LRP1B: variants seen among roughly 807,000 people sequenced by gnomAD.
LRP1B encodes LDL receptor related protein 1B.
A neutral mutation model predicts 556.6 loss-of-function variants in LRP1B; 217 were observed. That is an observed-to-expected ratio of 0.39 (90% CI 0.35 to 0.44). The LOEUF (loss-of-function observed/expected upper bound fraction) is 0.44, where lower values mean the gene tolerates loss of function less well. LRP1B is among the 20% of genes least tolerant of loss of function. The probability of loss-of-function intolerance (pLI) is 1.00; values close to 1 mark genes in which losing one functional copy is unlikely to be tolerated. For synonymous variants in LRP1B, 2,047 were observed against 1,865.8 expected (o/e 1.10, Z -2.50); for missense variants, 5,053 against 5,620.8 (o/e 0.90, Z 3.23).
At chr2:141,909,456 A>G (rs1411268138) in intron 1 of LRP1B, among the ~76,000 whole-genome samples, 1 of 151,440 alleles carries the variant, frequency 6.6e-6, no homozygotes, top group Non-Finnish European at 1.5e-5. Flanking sequence ...CTACCACAAT[A>G]ATCTCATTCC....
At chr2:140,987,811 C>T (rs1046821348) in intron 17 of LRP1B, among the ~76,000 whole-genome samples, 1 of 151,894 alleles carries the variant, frequency 6.6e-6, no homozygotes, top group African/African-American at 2.4e-5. Flanking sequence ...ATGGTGAATC[C>T]CTGTTCTCTA....
chr2:141,477,455 G>C, intron 3 of LRP1B, among the ~76,000 whole-genome samples: 1 of 152,148 alleles, frequency 6.6e-6, no homozygotes. Flanking sequence ...TGTTTCATCA[G>C]GTGTGACCAC....
intron 41 of LRP1B, among the ~76,000 whole-genome samples, chr2:140,603,957 T>C (rs1209026496): frequency 6.6e-6 from 1 of 151,994 alleles, no homozygotes; most frequent in Non-Finnish European, 1.5e-5. Flanking sequence ...GGCATGTATA[T>C]GTGTGTGTGT....
rs533590868 is a variant in LRP1B at position 141,851,224 on chromosome 2, T to A, written c.83-40823A>T. On this transcript the variant is annotated intron_variant, in intron 1 of 90. Coordinates refer to ENST00000389484, the MANE Select transcript of LRP1B (RefSeq NM_018557.3). Reference sequence around the variant, plus strand: ...TGAATGCCCTCATCTCAAAGGAATATATGAATAATAAATTGGTCATATTAC... The same window carrying A: ...TGAATGCCCTCATCTCAAAGGAATAAATGAATAATAAATTGGTCATATTAC... Among the ~76,000 whole-genome samples, 6 of 151,938 alleles carry A rather than the reference T, an allele frequency of 3.9e-5. No individual in the cohort carries two copies. In the East Asian group the frequency reaches 1.2e-3, roughly 29 times the overall value.
chr2:141,012,654 T>C (rs768122037), intron 14 of LRP1B, among the ~76,000 whole-genome samples: 2 of 152,012 alleles, frequency 1.3e-5, no homozygotes, highest in South Asian at 4.1e-4. Flanking sequence ...TTGTATTCCA[T>C]TGAAGCAATT....
At chr2:140,491,695 T>G (rs1490824476) in intron 57 of LRP1B, among the ~76,000 whole-genome samples, 1 of 152,154 alleles carries the variant, frequency 6.6e-6, no homozygotes, top group African/African-American at 2.4e-5. Context: ...ATTTCTCTTA[T>G]GTTATTTATG....
intron 82 of LRP1B, among the ~76,000 whole-genome samples, chr2:140,315,384 C>A (rs572409941): frequency 1.3e-5 from 2 of 152,016 alleles, no homozygotes; most frequent in African/African-American, 4.8e-5. Context: ...CTAACTGAAA[C>A]TTTCTAAAAG....
At chr2:142,076,117 A>G (rs1705491774) in intron 1 of LRP1B, among the ~76,000 whole-genome samples, 1 of 152,114 alleles carries the variant, frequency 6.6e-6, no homozygotes, top group Non-Finnish European at 1.5e-5. Flanking sequence ...TGTGACCTTT[A>G]CTGTTAAAAA....
rs1693623923 is a variant in LRP1B, at chr2:140,885,888, C to G, written c.3964+250G>C. On this transcript the variant is annotated intron_variant, in intron 24 of 90. Coordinates refer to ENST00000389484, the MANE Select transcript of LRP1B (RefSeq NM_018557.3). ...AGTCTTTTTTTTTTTCTTGTAAATG[C>G]ATTTCTTTGCCATCAGTCCATGGAA... 6.8e-5 allele frequency among the ~76,000 whole-genome samples: 10 copies of G among 146,668 alleles called. No individual in the cohort carries two copies. The South Asian group carries it at 2.2e-3, about 32-fold the overall frequency.
At chr2:141,996,274 A>G (rs1702489463) in intron 1 of LRP1B, among the ~76,000 whole-genome samples, 1 of 151,934 alleles carries the variant, frequency 6.6e-6, no homozygotes, top group African/African-American at 2.4e-5. Context: ...TACCTATCTC[A>G]AATCTCTAAG....
intron 2 of LRP1B, among the ~76,000 whole-genome samples, chr2:141,658,732 C>T (rs1690105057): frequency 6.6e-6 from 1 of 152,074 alleles, no homozygotes; most frequent in African/African-American, 2.4e-5. Flanking sequence ...TTACATTCAT[C>T]AAAATCTTAT....
At chr2:141,702,196 T>G (rs1351112507) in intron 2 of LRP1B, among the ~76,000 whole-genome samples, 2 of 151,826 alleles carry the variant, frequency 1.3e-5, no homozygotes, top group Non-Finnish European at 2.9e-5. Context: ...GTTAGATCAA[T>G]TGGCTTAGGT....
At chr2:141,621,213 T>A (rs1008121629) in intron 2 of LRP1B, among the ~76,000 whole-genome samples, 1 of 152,156 alleles carries the variant, frequency 6.6e-6, no homozygotes, top group African/African-American at 2.4e-5. Context: ...ATATTGTTAC[T>A]GAGTACAATG....
chr2:140,582,626 A>C (rs1471371456), intron 43 of LRP1B, among the ~76,000 whole-genome samples: 1 of 152,128 alleles, frequency 6.6e-6, no homozygotes, highest in African/African-American at 2.4e-5. Context: ...AACCATGTTC[A>C]TTCCTTCTGT....
At chr2:140,571,472 C>CA (rs1318809253) in intron 43 of LRP1B, among the ~76,000 whole-genome samples, 2 of 151,500 alleles carry the variant, frequency 1.3e-5, no homozygotes, top group African/African-American at 2.4e-5. Flanking sequence ...AATATTTTAA[C>CA]AAGGAAAACT....
chr2:141,857,583 C>G (rs1448250246), intron 1 of LRP1B, among the ~76,000 whole-genome samples: 3 of 151,960 alleles, frequency 2.0e-5, no homozygotes, highest in Admixed American at 2.0e-4. Flanking sequence ...GCTATCCTCC[C>G]GCCTCAACCT....
At chr2:140,801,286 G>C (rs1452616089) in intron 32 of LRP1B, among the ~76,000 whole-genome samples, 2 of 152,102 alleles carry the variant, frequency 1.3e-5, no homozygotes, top group African/African-American at 4.8e-5. Flanking sequence ...AATCACACTG[G>C]GGTAAGCAGA....
intron 24 of LRP1B, 110 bp from the exon 25 acceptor site, chr2:140,884,131 T>G (rs147641882): frequency 9.8e-7 from 1 of 1,018,708 alleles, no homozygotes; most frequent in African/African-American, 1.6e-5. Context: ...CAATGTGATT[T>G]CAACTTTGAG....
intron 2 of LRP1B, among the ~76,000 whole-genome samples, chr2:141,788,432 TTAG>T (rs1348930798): frequency 6.6e-6 from 1 of 152,060 alleles, no homozygotes; most frequent in Non-Finnish European, 1.5e-5. Context: ...TATGATATTA[TTAG>T]AAGCTGTGTA....
Sources: gnomAD v4.1 joint callset for allele counts (sites outside exome capture counted in the v4.1 genomes callset) on GRCh38, gnomAD v4.1.1 for gene constraint, MANE v1.5 for transcripts, NCBI Gene and HGNC (gene_info 2026-07-23, HGNC 2026-07-21) for gene names.